Variants in EYS observed in about 807,000 individuals in gnomAD.
The protein encoded by EYS is protein eyes shut homolog.
A neutral mutation model predicts 282.1 loss-of-function variants in EYS; 250 were observed. The observed-to-expected ratio is 0.89, with a 90% CI of 0.80 to 0.98. The LOEUF (loss-of-function observed/expected upper bound fraction) is 0.98, where lower values mean the gene tolerates loss of function less well. Among genes scored for constraint, EYS ranks in the 50% least tolerant of loss-of-function variants. The pLI, the probability that EYS is intolerant of heterozygous loss-of-function variation, is 0.00. For missense variants in EYS, 4,016 were observed against 3,709.0 expected, an observed-to-expected ratio of 1.08 and a Z score of -2.15; for synonymous variants, 1,355 against 1,282.9, an observed-to-expected ratio of 1.06 and a Z score of -1.20.
intron 7 of EYS, among the ~76,000 whole-genome samples, chr6:65,392,021 T>C (rs1359197699): frequency 2.0e-5 from 3 of 151,692 alleles, no homozygotes; most frequent in Non-Finnish European, 4.4e-5. Context: ...ACGCCGCATA[T>C]CTACAACTAT....
chr6:63,783,002 A>G (rs1374898443), intron 39 of EYS, among the ~76,000 whole-genome samples: 1 of 151,068 alleles, frequency 6.6e-6, no homozygotes, highest in African/African-American at 2.4e-5. Context: ...TAAACTGATT[A>G]CATTTTCCCA....
At chr6:64,819,003 C>T (rs1377290710) in intron 21 of EYS, among the ~76,000 whole-genome samples, 1 of 152,164 alleles carries the variant, frequency 6.6e-6, no homozygotes, top group Non-Finnish European at 1.5e-5. Flanking sequence ...TAAGGAGGTT[C>T]ACATGTAACA....
chr6:64,973,937 A>T (rs955143666), intron 14 of EYS, among the ~76,000 whole-genome samples: 6 of 151,904 alleles, frequency 3.9e-5, no homozygotes, highest in African/African-American at 7.2e-5. Flanking sequence ...AAGATAATTC[A>T]TTTTTTCCCT....
rs915410223 is a variant in EYS, at chr6:65,352,455, A to T, written c.1459+1003T>A. Among the ~76,000 whole-genome samples, 4 of 151,950 alleles carry T rather than the reference A, an allele frequency of 2.6e-5. 1 individual carries two copies. The highest frequency in any genetic ancestry group is 9.7e-5 in the African/African-American group (4 of 41,442). ...CTAAGTTAAATAATATTAGAAATGT[A>T]ATCAAAGAATGAAAATTAAGCTCAT... On this transcript the variant is annotated intron_variant, in intron 9 of 42. Coordinates refer to ENST00000503581, the MANE Select transcript of EYS (RefSeq NM_001142800.2).
intron 35 of EYS, among the ~76,000 whole-genome samples, chr6:63,897,042 A>T (rs1198234095): frequency 1.3e-5 from 2 of 152,216 alleles, no homozygotes; most frequent in Non-Finnish European, 2.9e-5. Context: ...TGATTACAAT[A>T]TGCAGAAGTA....
chr6:64,087,535 A>C (rs1772198466), intron 31 of EYS, among the ~76,000 whole-genome samples: 1 of 152,104 alleles, frequency 6.6e-6, no homozygotes, highest in African/African-American at 2.4e-5. Flanking sequence ...TACAGTATAC[A>C]TTCTCTGAAG....
chr6:64,262,563 A>G (rs531308453), intron 30 of EYS, among the ~76,000 whole-genome samples: 1 of 152,084 alleles, frequency 6.6e-6, no homozygotes, highest in African/African-American at 2.4e-5. Context: ...TATCTAAGTA[A>G]AAATTTGACA....
chr6:64,024,982 T>G lies in EYS; in HGVS notation c.6726-25799A>C, dbSNP rs187342694. On this transcript the variant is annotated intron_variant, in intron 33 of 42. Coordinates refer to ENST00000503581, the MANE Select transcript of EYS (RefSeq NM_001142800.2). ...GAAGGGACTTTCGCCTATCGCCCAG[T>G]GGTATGACAATCACCATGTGGTGAG... Among the ~76,000 whole-genome samples the G allele has an allele frequency of 4.6e-5, 7 of 152,284 alleles. No homozygotes were observed. The East Asian group carries it at 1.4e-3, about 29-fold the overall frequency.
At chr6:64,065,783 G>A (rs1442782973) in intron 33 of EYS, among the ~76,000 whole-genome samples, 1 of 152,078 alleles carries the variant, frequency 6.6e-6, no homozygotes, top group Non-Finnish European at 1.5e-5. Context: ...TTTACTCTGT[G>A]TGCAATTTGA....
chr6:63,992,573 A>C (rs1767651348), intron 34 of EYS, among the ~76,000 whole-genome samples: 1 of 151,790 alleles, frequency 6.6e-6, no homozygotes. Context: ...TTAAAATGTA[A>C]ATGTACTGCT....
chr6:63,903,595 T>A (rs1159735122), intron 35 of EYS, among the ~76,000 whole-genome samples: 1 of 152,206 alleles, frequency 6.6e-6, no homozygotes. Context: ...GCACTTCTCC[T>A]TCCCTTTACC....
At chr6:64,753,915 T>G (rs1772845799) in intron 22 of EYS, among the ~76,000 whole-genome samples, 1 of 152,060 alleles carries the variant, frequency 6.6e-6, no homozygotes, top group Non-Finnish European at 1.5e-5. Flanking sequence ...ATTTTTAACC[T>G]CAGTGGAATA....
intron 30 of EYS, among the ~76,000 whole-genome samples, chr6:64,291,873 T>G (rs1768724585): frequency 6.6e-6 from 1 of 152,102 alleles, no homozygotes; most frequent in Non-Finnish European, 1.5e-5. Context: ...ATTGGGAATA[T>G]TGTCAAATAT....
intron 13 of EYS, among the ~76,000 whole-genome samples, chr6:65,049,518 T>C (rs1004787555): frequency 2.0e-5 from 3 of 151,772 alleles, no homozygotes; most frequent in African/African-American, 7.2e-5. Flanking sequence ...CTGAAAAGCA[T>C]ATATAGTGAA....
At chr6:65,253,737 A>T (rs1767387532) in intron 12 of EYS, among the ~76,000 whole-genome samples, 1 of 151,914 alleles carries the variant, frequency 6.6e-6, no homozygotes, top group Non-Finnish European at 1.5e-5. Flanking sequence ...TAAAAATACA[A>T]GCAATAGAAA....
At chr6:65,585,698 A>G (rs952751955) in intron 2 of EYS, among the ~76,000 whole-genome samples, 3 of 151,946 alleles carry the variant, frequency 2.0e-5, no homozygotes, top group Non-Finnish European at 2.9e-5. Context: ...GGCATATGAG[A>G]CTACATTTAT....
At position 64,638,826 on chromosome 6, in the gene EYS, T is replaced by G. The variant is rs1395875758; in HGVS notation, c.3444-12581A>C. ...ACTTCCCTACCAAATGCTGTTCTAATGTTACCAGTTACCAACATATTCAAG... is the reference window on the plus strand; with the variant it reads ...ACTTCCCTACCAAATGCTGTTCTAAGGTTACCAGTTACCAACATATTCAAG... On this transcript the variant is annotated intron_variant, in intron 22 of 42. Coordinates refer to ENST00000503581, the MANE Select transcript of EYS (RefSeq NM_001142800.2). 3.3e-5 allele frequency among the ~76,000 whole-genome samples: 3 copies of G among 91,294 alleles called. 1 individual carries two copies. In the East Asian group the frequency reaches 7.3e-4, roughly 22 times the overall value. The allele number at this position is 91,294 out of a possible 152,430, so 59.9% of individuals were successfully genotyped here.
intron 22 of EYS, among the ~76,000 whole-genome samples, chr6:64,641,004 C>T (rs928591): frequency 2.0e-5 from 3 of 151,410 alleles, no homozygotes; most frequent in East Asian, 3.9e-4. Context: ...TTAAATTCTC[C>T]CTAACCAGGT....
intron 35 of EYS, among the ~76,000 whole-genome samples, chr6:63,918,705 A>G (rs886832677): frequency 6.6e-6 from 1 of 152,200 alleles, no homozygotes; most frequent in African/African-American, 2.4e-5. Flanking sequence ...CTCACTTATT[A>G]TAAGTGCTGT....
Sources: gnomAD v4.1 joint callset for allele counts (sites outside exome capture counted in the v4.1 genomes callset) on GRCh38, gnomAD v4.1.1 for gene constraint, MANE v1.5 for transcripts, NCBI Gene and HGNC (gene_info 2026-07-23, HGNC 2026-07-21) for gene names.